Variants in SH3GL1 observed in about 807,000 individuals in gnomAD.
The protein encoded by SH3GL1 is SH3 domain containing GRB2 like 1, endophilin A2.
SH3GL1 carries 21 observed loss-of-function variants against 48.8 expected under a neutral mutation model. That is an observed-to-expected ratio of 0.43 (90% confidence interval 0.30 to 0.62). The LOEUF (loss-of-function observed/expected upper bound fraction) is 0.62. SH3GL1 is among the 20% of genes least tolerant of loss of function. The pLI is 0.11. For missense variants in SH3GL1, 454 were observed against 503.0 expected (o/e 0.90, Z 0.93); for synonymous variants, 282 against 217.5 (o/e 1.30, Z -2.61).
chr19:4,382,289 G>A (rs1452847821), intron 1 of SH3GL1, among the ~76,000 whole-genome samples: 2 of 119,852 alleles, frequency 1.7e-5, no homozygotes, highest in Non-Finnish European at 3.3e-5. Context: ...ACGGAGTCTC[G>A]CTCTGTCACC....
intron 1 of SH3GL1, among the ~76,000 whole-genome samples, chr19:4,386,474 C>G (rs1439096808): frequency 7.0e-6 from 1 of 142,682 alleles, no homozygotes; most frequent in African/African-American, 2.5e-5. Flanking sequence ...TGTTTGGGAA[C>G]TCTTTTTTTT....
intron 1 of SH3GL1, among the ~76,000 whole-genome samples, chr19:4,387,117 T>A (rs1973250119): frequency 6.6e-6 from 1 of 152,112 alleles, no homozygotes; most frequent in Admixed American, 6.5e-5. Flanking sequence ...TTTGTATTTT[T>A]AGCAGAGACA....
chr19:4,363,914 G>C (rs761129184), intron 5 of SH3GL1, 36 bp from the exon 6 acceptor site: 1 of 1,611,190 alleles, frequency 6.2e-7, no homozygotes, highest in Non-Finnish European at 8.5e-7. Context: ...CACCAGTAGC[G>C]GCCAGAGGGC....
intron 1 of SH3GL1, among the ~76,000 whole-genome samples, chr19:4,381,350 CTCTGTCCCCTCTGCCTGTCTCCCA>C (rs1326526523): frequency 1.5e-5 from 2 of 132,290 alleles, no homozygotes; most frequent in African/African-American, 2.9e-5. Context: ...CTCTGCCTCT[CTCTGTCCCCTCTGCCTGTCTCCCA>C]TCTGTCCCCT....
At chr19:4,380,774 T>A (rs76273354) in intron 1 of SH3GL1, among the ~76,000 whole-genome samples, 7,105 of 152,190 alleles carry the variant, frequency 0.047, 347 homozygotes, top group African/African-American at 0.12. Flanking sequence ...AAATCCAAGT[T>A]AAGTAACGGG....
intron 1 of SH3GL1, among the ~76,000 whole-genome samples, chr19:4,392,518 T>TCACACACACACACACACA (rs60108906): frequency 2.9e-5 from 4 of 137,766 alleles, no homozygotes; most frequent in African/African-American, 5.5e-5. Flanking sequence ...CAAGACTCCG[T>TCACACACACACACACACA]CACACACACA....
In SH3GL1 at chr19:4,362,669, C is replaced by T. The variant is rs769134396; in HGVS notation, c.796G>A (p.Gly266Arg). The change falls in exon 8 of 10, where the codon GGA (glycine) becomes AGA (arginine). Residue 266 changes from glycine to arginine, a missense_variant. By Grantham distance (125) the Gly-to-Arg change is moderately radical (BLOSUM62 -2). This residue lies in a region of SH3GL1 where 278 missense variants were observed against 246.8 expected (regional missense o/e 1.13). Transcript: ENST00000269886. ...KPKPREPFDL[G>R]EPEQSNGGFP... ...CCCCCGTTGGACTGCTCAGGCTCTC[C>T]AAGGTCAAAGGGCTCCCGGGGCTTG... is the stretch of plus-strand genomic sequence containing the variant. 6.8e-6 allele frequency: 11 copies of T among 1,614,016 alleles called. No individual in the cohort carries two copies. The highest frequency in any genetic ancestry group is 7.6e-6 in the Non-Finnish European group (9 of 1,179,958).
At chr19:4,373,483 C>G (rs559393726) in intron 1 of SH3GL1, among the ~76,000 whole-genome samples, 8 of 152,228 alleles carry the variant, frequency 5.3e-5, no homozygotes, top group Non-Finnish European at 1.0e-4. Flanking sequence ...AACAATGAAT[C>G]AAGACAAAGT....
chr19:4,381,603 G>A (rs1440589094), intron 1 of SH3GL1, among the ~76,000 whole-genome samples: 3 of 41,796 alleles, frequency 7.2e-5, no homozygotes, highest in Admixed American at 4.8e-4. Flanking sequence ...CCCTGCCTCC[G>A]TCTCCCCTGC....
At position 4,360,792 on chromosome 19, in the gene SH3GL1, GTGTGC is replaced by G. The variant is rs1246899731; in HGVS notation, c.*803_*807del. ...CAGCGCGGCTGTGGTCCCGTGTGAG[GTGTGC>G]TGGGGTGGGTGTGGGTGGCTGGTGG... On this transcript the variant is annotated 3_prime_UTR_variant, in exon 10 of 10. Transcript: ENST00000269886. 4.3e-6 allele frequency: 1 copy of G among 233,748 alleles called. No individual in the cohort carries two copies. Among genetic ancestry groups the G allele is most frequent in the Non-Finnish European group, 8.4e-6 (1 of 118,416 alleles). The allele number at this position is 233,748 out of a possible 1,614,324, so 14.5% of individuals were successfully genotyped here. A position where few individuals can be genotyped will look rare whatever the true frequency, so the allele number is the denominator to read the frequency against.
At chr19:4,364,351 A>T in intron 4 of SH3GL1, 130 bp from the exon 5 acceptor site, 1 of 1,229,144 alleles carries the variant, frequency 8.1e-7, no homozygotes, top group Non-Finnish European at 1.2e-6. Flanking sequence ...AGCTCACTGC[A>T]GGCCTCAAAC....
At position 4,363,593 on chromosome 19, in the gene SH3GL1, A is replaced by G. The variant is rs370503529; in HGVS notation, c.625-120T>C. On this transcript the variant is annotated intron_variant, in intron 6 of 9. Transcript: ENST00000269886. ...GAGAGGGGACAGGGGACTGGGGCCC[A>G]TACCCTCCACCTCCCCTGCTGCAGC... The G allele has an allele frequency of 8.8e-4, 1,298 of 1,469,298 alleles. 6 individuals carry two copies. The African/African-American group carries it at 0.01, about 11-fold the overall frequency. 91.0% of individuals were successfully genotyped at this position (1,469,298 alleles called of 1,614,324 possible). A position where few individuals can be genotyped will look rare whatever the true frequency, so the allele number is the denominator to read the frequency against.
chr19:4,361,615 C>A lies in SH3GL1; in HGVS notation c.1092G>T (p.Val364=). The A allele has an allele frequency of 6.2e-7, 1 of 1,600,210 alleles. No individual in the cohort carries two copies. The change falls in exon 10 of 10, where the codon GTG becomes GTT. Residue 364 remains valine (V), a synonymous_variant. Coordinates refer to ENST00000269886, the MANE Select transcript of SH3GL1 (RefSeq NM_003025.4). ...CACGGGTGAGTCACTGCGGCAGGGGCACAAGCACCTCCACGTAGCTGAGCG... is the reference window on the plus strand; with the variant it reads ...CACGGGTGAGTCACTGCGGCAGGGGAACAAGCACCTCCACGTAGCTGAGCG... ...FFPLSYVEVL[V]PLPQ
intron 1 of SH3GL1, among the ~76,000 whole-genome samples, chr19:4,385,566 G>A (rs953476105): frequency 2.0e-5 from 3 of 152,210 alleles, no homozygotes; most frequent in East Asian, 1.9e-4. Flanking sequence ...CTTTCCTTCC[G>A]GGCCCCAAAG....
At chr19:4,387,592 G>A (rs952693180) in intron 1 of SH3GL1, among the ~76,000 whole-genome samples, 5 of 151,680 alleles carry the variant, frequency 3.3e-5, no homozygotes, top group Non-Finnish European at 2.9e-5. Flanking sequence ...CGTCCAGCCC[G>A]AACAGCTCTT....
At chr19:4,385,852 T>C (rs1330815418) in intron 1 of SH3GL1, among the ~76,000 whole-genome samples, 1 of 152,152 alleles carries the variant, frequency 6.6e-6, no homozygotes, top group Non-Finnish European at 1.5e-5. Flanking sequence ...GGGCAGCACA[T>C]ACCTCCCAGA....
At position 4,389,464 on chromosome 19, in the gene SH3GL1, C is replaced by A. The variant is rs1458624674; in HGVS notation, c.45+10860G>T. 1.3e-5 allele frequency among the ~76,000 whole-genome samples: 2 copies of A among 151,586 alleles called. No individual in the cohort carries two copies. The highest frequency in any genetic ancestry group is 2.9e-5 in the Non-Finnish European group (2 of 67,876). The stretch of plus-strand genomic sequence containing the variant: ...GACATGGACAGGAGGCAGGAGAGTA[C>A]AGGGCCCCACACAGGGTGGGCGGGA... On this transcript the variant is annotated intron_variant, in intron 1 of 9. Transcript: ENST00000269886. The surrounding 1 kb of genome is among the most constrained non-coding windows in gnomAD (Gnocchi z 4.5).
chr19:4,374,563 C>T (rs73539287), intron 1 of SH3GL1, among the ~76,000 whole-genome samples: 4,492 of 152,340 alleles, frequency 0.029, 226 homozygotes, highest in African/African-American at 0.1. Flanking sequence ...CCAGCCCGAA[C>T]CTGGCCCGTC....
At chr19:4,391,770 G>A (rs1248946075) in intron 1 of SH3GL1, among the ~76,000 whole-genome samples, 2 of 152,142 alleles carry the variant, frequency 1.3e-5, no homozygotes, top group Non-Finnish European at 2.9e-5. Flanking sequence ...CAGCCCAGCT[G>A]GCACACAGTT....
Sources: allele counts gnomAD v4.1 joint callset (sites outside exome capture counted in the v4.1 genomes callset), GRCh38; gene constraint gnomAD v4.1.1; regional missense constraint gnomAD v4.1.1; non-coding constraint Gnocchi (gnomAD v3.1); transcripts MANE v1.5; gene names NCBI Gene and HGNC (gene_info 2026-07-23, HGNC 2026-07-21).